RIMS2: variants seen among roughly 807,000 people sequenced by gnomAD.
RIMS2 encodes regulating synaptic membrane exocytosis 2.
A neutral mutation model predicts 174.4 loss-of-function variants in RIMS2; 59 were observed. The observed-to-expected ratio is 0.34, with a 90% CI of 0.27 to 0.42. RIMS2 has a LOEUF of 0.42. Ranked by LOEUF, RIMS2 falls within the 10% of genes least tolerant of loss-of-function variation. The probability of loss-of-function intolerance (pLI) is 1.00; values close to 1 mark genes in which losing one functional copy is unlikely to be tolerated. For synonymous variants in RIMS2, 606 were observed against 572.5 expected (o/e 1.06, Z -0.84); for missense variants, 1,620 against 1,666.3 (o/e 0.97, Z 0.48).
chr8:104,133,849 CTT>C (rs1339978009), intron 19 of RIMS2, among the ~76,000 whole-genome samples: 1 of 152,100 alleles, frequency 6.6e-6, no homozygotes, highest in Non-Finnish European at 1.5e-5. Context: ...TAGTTATACT[CTT>C]TACTGAAATA....
chr8:104,205,849 G>A (rs771234036), intron 19 of RIMS2, among the ~76,000 whole-genome samples: 2 of 151,150 alleles, frequency 1.3e-5, no homozygotes, highest in African/African-American at 2.4e-5. Flanking sequence ...TCTGCCTCCC[G>A]GCTTCAAGCG....
At position 103,786,313 on chromosome 8, in the gene RIMS2, C is replaced by A. The variant is rs574273606; in HGVS notation, c.698+19776C>A. Among the ~76,000 whole-genome samples, 49 of 152,212 alleles carry A rather than the reference C, an allele frequency of 3.2e-4. No individual in the cohort carries two copies. The South Asian group carries it at 0.01, about 32-fold the overall frequency. Reference sequence around the variant, plus strand: ...TTAGTTATTTCTTGCCTTCTGCTAGCTTTTGAATGTATTTGCTCTTGCTTT... The same window carrying A: ...TTAGTTATTTCTTGCCTTCTGCTAGATTTTGAATGTATTTGCTCTTGCTTT... On this transcript the variant is annotated intron_variant, in intron 3 of 23. Coordinates refer to ENST00000504942, the Ensembl canonical transcript of RIMS2.
At chr8:103,782,114 C>T (rs1385012156) in intron 3 of RIMS2, among the ~76,000 whole-genome samples, 1 of 142,194 alleles carries the variant, frequency 7.0e-6, no homozygotes, top group African/African-American at 2.6e-5. Flanking sequence ...TTTCTGTTTT[C>T]TTTTTTTTTT....
chr8:103,886,230 T>C lies in RIMS2; in HGVS notation c.1624+7T>C. The C allele has an allele frequency of 6.3e-7, 1 of 1,595,894 alleles. No individual in the cohort carries two copies. Among genetic ancestry groups the C allele is most frequent in the South Asian group, 1.1e-5 (1 of 88,776 alleles). ...GAGAGTGTAAGTGAAAAAGGTAAGC[T>C]TTCTAATCATACATTTTGCTGTAAT... On this transcript the variant is annotated splice_region_variant and intron_variant, in intron 4 of 23. Coordinates refer to ENST00000504942, the Ensembl canonical transcript of RIMS2.
intron 1 of RIMS2, among the ~76,000 whole-genome samples, chr8:103,527,444 G>C (rs1834610495): frequency 6.6e-6 from 1 of 151,976 alleles, no homozygotes; most frequent in African/African-American, 2.4e-5. Context: ...ATAACTTGCA[G>C]GTTTGTTACA....
chr8:104,162,126 C>T (rs2098766059), intron 19 of RIMS2, among the ~76,000 whole-genome samples: 1 of 152,140 alleles, frequency 6.6e-6, no homozygotes, highest in Admixed American at 6.6e-5. Context: ...GGCATATTCC[C>T]AGAGTCCAGG....
At chr8:103,637,618 G>A (rs778318652) in intron 1 of RIMS2, among the ~76,000 whole-genome samples, 17 of 152,082 alleles carry the variant, frequency 1.1e-4, no homozygotes, top group South Asian at 4.1e-4. Context: ...AAATTTTTAG[G>A]AGAGTTGCAA....
chr8:103,830,270 A>T (rs1271359216), intron 3 of RIMS2, among the ~76,000 whole-genome samples: 1 of 151,904 alleles, frequency 6.6e-6, no homozygotes, highest in African/African-American at 2.4e-5. Flanking sequence ...CTTATTATGG[A>T]TTTAATTTCC....
chr8:104,247,085 G>A (rs1471181680), intron 20 of RIMS2, among the ~76,000 whole-genome samples: 1 of 152,152 alleles, frequency 6.6e-6, no homozygotes. Context: ...GGGAATGGTG[G>A]CTTGGACCAG....
intron 19 of RIMS2, among the ~76,000 whole-genome samples, chr8:104,153,718 C>T (rs1021201700): frequency 2.6e-5 from 4 of 151,916 alleles, no homozygotes; most frequent in African/African-American, 7.3e-5. Flanking sequence ...AGACTGAGCC[C>T]TAAGACATTC....
chr8:103,960,519 G>C (rs1169498678), intron 14 of RIMS2, among the ~76,000 whole-genome samples: 1 of 151,952 alleles, frequency 6.6e-6, no homozygotes, highest in East Asian at 1.9e-4. Context: ...TTTTTAAAAA[G>C]GATATTTAAG....
chr8:103,545,680 A>G (rs1186932566), intron 1 of RIMS2, among the ~76,000 whole-genome samples: 2 of 152,242 alleles, frequency 1.3e-5, no homozygotes, highest in Non-Finnish European at 2.9e-5. Context: ...TGAATTTTTC[A>G]GCAGAAACTC....
intron 1 of RIMS2, among the ~76,000 whole-genome samples, chr8:103,545,573 G>C (rs1287854549): frequency 6.6e-6 from 1 of 152,106 alleles, no homozygotes; most frequent in Admixed American, 6.5e-5. Flanking sequence ...ATACATAGAC[G>C]TCAGATTCTC....
chr8:104,139,257 G>C (rs117274303), intron 19 of RIMS2, among the ~76,000 whole-genome samples: 509 of 152,134 alleles, frequency 3.3e-3, no homozygotes, highest in Non-Finnish European at 5.7e-3. Context: ...TGAGTCTTTT[G>C]TGTCTCCATA....
chr8:103,501,550 C>G (rs1454404161), intron 1 of RIMS2: 2 of 153,120 alleles, frequency 1.3e-5, no homozygotes, highest in African/African-American at 2.4e-5. Flanking sequence ...GGCGGCTCTA[C>G]CAGCAACGCG....
intron 19 of RIMS2, among the ~76,000 whole-genome samples, chr8:104,160,924 AGAAT>A (rs2098757067): frequency 6.6e-6 from 1 of 152,186 alleles, no homozygotes; most frequent in African/African-American, 2.4e-5. Flanking sequence ...GGAGTGTGGC[AGAAT>A]GAAGAAAACA....
At chr8:103,575,699 T>TATATATAC (rs538739527) in intron 1 of RIMS2, among the ~76,000 whole-genome samples, 9 of 149,450 alleles carry the variant, frequency 6.0e-5, no homozygotes, top group East Asian at 2.0e-4. Context: ...TATATATATA[T>TATATATAC]ACACATACAG....
chr8:104,095,300 T>C (rs1253738514), intron 19 of RIMS2, among the ~76,000 whole-genome samples: 2 of 152,134 alleles, frequency 1.3e-5, no homozygotes, highest in African/African-American at 4.8e-5. Flanking sequence ...CTAGTGCAGT[T>C]TGAGTCCTGC....
intron 12 of RIMS2, among the ~76,000 whole-genome samples, chr8:103,932,425 T>G (rs908317558): frequency 6.6e-6 from 1 of 152,198 alleles, no homozygotes; most frequent in Non-Finnish European, 1.5e-5. Flanking sequence ...GTATATCAGA[T>G]TCTTCAGGAT....
Sources: allele counts gnomAD v4.1 joint callset (sites outside exome capture counted in the v4.1 genomes callset), GRCh38; gene constraint gnomAD v4.1.1; transcripts MANE v1.5; gene names NCBI Gene and HGNC (gene_info 2026-07-23, HGNC 2026-07-21).